The following ARHGAP28 variants were observed in gnomAD, a reference collection of about 807,000 sequenced individuals.
ARHGAP28 encodes rho GTPase-activating protein 28.
Under a neutral mutation model 90.7 loss-of-function variants are expected in ARHGAP28, and 56 were observed. The observed-to-expected ratio is 0.62, with a 90% confidence interval of 0.50 to 0.77. ARHGAP28 has a LOEUF of 0.77. ARHGAP28 is among the 30% of genes least tolerant of loss of function. The probability of loss-of-function intolerance (pLI) is 0.00; values close to 1 mark genes in which losing one functional copy is unlikely to be tolerated. For missense variants in ARHGAP28, 869 were observed against 900.9 expected (o/e 0.96, Z 0.45); for synonymous variants, 308 against 323.3 (o/e 0.95, Z 0.51).
chr18:6,793,704 A>T (rs1320751673), intron 1 of ARHGAP28, among the ~76,000 whole-genome samples: 1 of 152,052 alleles, frequency 6.6e-6, no homozygotes, highest in Non-Finnish European at 1.5e-5. Context: ...TCAGTAATAG[A>T]TGTGTATTGG....
chr18:6,862,479 C>T (rs1473694602), intron 5 of ARHGAP28, among the ~76,000 whole-genome samples: 1 of 152,162 alleles, frequency 6.6e-6, no homozygotes, highest in Non-Finnish European at 1.5e-5. Context: ...CCATATCTTT[C>T]CCCCAGTCTT....
intron 3 of ARHGAP28, among the ~76,000 whole-genome samples, chr18:6,847,344 C>T (rs1168777503): frequency 6.6e-6 from 1 of 152,026 alleles, no homozygotes. Flanking sequence ...ACCTTTTTAT[C>T]CTTACGTTCC....
At chr18:6,862,697 CTT>C (rs2057008180) in intron 5 of ARHGAP28, among the ~76,000 whole-genome samples, 1 of 152,130 alleles carries the variant, frequency 6.6e-6, no homozygotes, top group Non-Finnish European at 1.5e-5. Flanking sequence ...CATAAAAAAT[CTT>C]GTTATGACTT....
rs79972414 is a variant in ARHGAP28 at position 6,848,810 on chromosome 18, T to G, written c.544-2224T>G. On this transcript the variant is annotated intron_variant, in intron 3 of 17. Transcript: ENST00000383472. ...CAAAGTACCAGAAGGATCTCAGGCA[T>G]CCTCAGGACATGCAAACAGAAGCAT... 0.021 allele frequency among the ~76,000 whole-genome samples: 3,172 copies of G among 152,198 alleles called. 236 individuals are homozygous for G. The East Asian group carries it at 0.27, about 13-fold the overall frequency.
chr18:6,743,135 G>A (rs1266066740), intron 1 of ARHGAP28, among the ~76,000 whole-genome samples: 1 of 152,078 alleles, frequency 6.6e-6, no homozygotes, highest in Non-Finnish European at 1.5e-5. Context: ...GAGGGAGACC[G>A]ACGAGGGGAG....
At chr18:6,841,203 C>CTCCTCTTTCTCTCT (rs754874496) in intron 3 of ARHGAP28, among the ~76,000 whole-genome samples, 1 of 41,972 alleles carries the variant, frequency 2.4e-5, no homozygotes, top group African/African-American at 1.2e-4. Flanking sequence ...CTCTCTCTCT[C>CTCCTCTTTCTCTCT]CTCTCCTCTC....
At chr18:6,731,288 G>A (rs998955508) in intron 1 of ARHGAP28, among the ~76,000 whole-genome samples, 2 of 127,190 alleles carry the variant, frequency 1.6e-5, no homozygotes, top group Non-Finnish European at 1.8e-5. Flanking sequence ...ATATATATGT[G>A]TGCGTGTGTG....
In ARHGAP28 at chr18:6,824,771, T is replaced by G. The variant is rs1600218250; in HGVS notation, c.132T>G (p.Ile44Met). 3.9e-6 allele frequency: 6 copies of G among 1,534,854 alleles called. No individual in the cohort carries two copies. The highest frequency in any genetic ancestry group is 5.2e-6 in the Non-Finnish European group (6 of 1,146,596). The change falls in exon 2 of 18, where the codon ATT becomes ATG. Residue 44 changes from isoleucine to methionine, a missense_variant. Physicochemically the swap from Ile to Met is conservative, Grantham distance 10. Coordinates refer to ENST00000383472, the MANE Select transcript of ARHGAP28 (RefSeq NM_001366230.1). The stretch of plus-strand genomic sequence containing the variant: ...ATTATTCTTTCCTCAGAAAATCCAT[T>G]CCTCGCTGCCGAAGAATTAACAGGA... ...AASHPLSRKSIPRCRRINRML... is the reference protein window; with the variant it reads ...AASHPLSRKSMPRCRRINRML...
chr18:6,849,636 C>T (rs751394435), intron 3 of ARHGAP28, among the ~76,000 whole-genome samples: 26 of 152,278 alleles, frequency 1.7e-4, no homozygotes, highest in Admixed American at 5.2e-4. Context: ...GGCCCTAAAT[C>T]GGTTTCCTAC....
chr18:6,913,664 T>C lies in ARHGAP28; in HGVS notation c.*1510T>C, dbSNP rs2057410337. The C allele has an allele frequency of 6.6e-6, 1 of 152,168 alleles. No homozygotes were observed. Among genetic ancestry groups the C allele is most frequent in the Non-Finnish European group, 1.5e-5 (1 of 68,010 alleles). 9.4% of individuals were successfully genotyped at this position (152,168 alleles called of 1,614,324 possible). A position where few individuals can be genotyped will look rare whatever the true frequency, so the allele number is the denominator to read the frequency against. On this transcript the variant is annotated 3_prime_UTR_variant, in exon 18 of 18. Coordinates refer to ENST00000383472, the MANE Select transcript of ARHGAP28 (RefSeq NM_001366230.1). ...TGATATCTATACAAAACATCACTTG[T>C]ATTAAAATATATAGATAACTTTCTG...
chr18:6,870,848 T>TTGC, intron 7 of ARHGAP28, 116 bp downstream of exon 7: 1 of 1,097,686 alleles, frequency 9.1e-7, no homozygotes, highest in South Asian at 1.6e-5. Flanking sequence ...TGCCCCAGGC[T>TTGC]GGAGTGCAGT....
chr18:6,775,016 G>A (rs1271992115), intron 1 of ARHGAP28, among the ~76,000 whole-genome samples: 1 of 152,190 alleles, frequency 6.6e-6, no homozygotes, highest in Non-Finnish European at 1.5e-5. Context: ...ATAGCACGCA[G>A]AGGCTCTTCT....
intron 16 of ARHGAP28, among the ~76,000 whole-genome samples, chr18:6,906,751 T>C (rs905004618): frequency 6.6e-6 from 1 of 152,126 alleles, no homozygotes; most frequent in Non-Finnish European, 1.5e-5. Flanking sequence ...ATAAAAAATG[T>C]GACCCATAAG....
chr18:6,873,897 G>T lies in ARHGAP28; in HGVS notation c.1212+122G>T. On this transcript the variant is annotated intron_variant, in intron 9 of 17. Coordinates refer to ENST00000383472, the MANE Select transcript of ARHGAP28 (RefSeq NM_001366230.1). ...GACACTATCGCCCTATTAGGACTCA[G>T]GCCCCTGGTGATTTTCAGCTTTATT... 3 of 835,108 alleles carry T rather than the reference G, an allele frequency of 3.6e-6. No individual in the cohort carries two copies. In the South Asian group the frequency reaches 5.2e-5, roughly 14 times the overall value. 51.7% of individuals were successfully genotyped at this position (835,108 alleles called of 1,614,324 possible).
chr18:6,837,485 G>A (rs1402606146), intron 3 of ARHGAP28, 71 bp downstream of exon 3: 1 of 1,083,160 alleles, frequency 9.2e-7, no homozygotes, highest in Non-Finnish European at 1.4e-6. Context: ...TGGGGCTGGG[G>A]TGGAAAAAAT....
intron 1 of ARHGAP28, among the ~76,000 whole-genome samples, chr18:6,785,705 G>T (rs2143515104): frequency 1.3e-5 from 2 of 152,350 alleles, no homozygotes; most frequent in South Asian, 4.1e-4. Flanking sequence ...GAGAAACTGA[G>T]AAAGGGATTA....
At chr18:6,896,425 C>T in intron 15 of ARHGAP28, 77 bp from the exon 16 acceptor site, 1 of 1,526,498 alleles carries the variant, frequency 6.6e-7, no homozygotes, top group Admixed American at 1.9e-5. Flanking sequence ...CACTGATTTT[C>T]ATATCTCTTA....
intron 1 of ARHGAP28, among the ~76,000 whole-genome samples, chr18:6,775,326 T>C (rs954207061): frequency 1.1e-4 from 17 of 152,340 alleles, no homozygotes; most frequent in South Asian, 8.3e-4. Context: ...CATCTGTGTA[T>C]TTACAAAGTG....
chr18:6,813,379 T>C (rs1291392271), intron 1 of ARHGAP28, among the ~76,000 whole-genome samples: 11 of 152,160 alleles, frequency 7.2e-5, no homozygotes, highest in Non-Finnish European at 4.4e-5. Context: ...ATAACTTACA[T>C]AGCCAGTGTA....
Sources: allele counts gnomAD v4.1 joint callset (sites outside exome capture counted in the v4.1 genomes callset), GRCh38; gene constraint gnomAD v4.1.1; transcripts MANE v1.5; gene names NCBI Gene and HGNC (gene_info 2026-07-23, HGNC 2026-07-21).